Variants in TRAPPC12 observed in about 807,000 individuals in gnomAD.
TRAPPC12 encodes TPR repeat protein 15.
A neutral mutation model predicts 69.2 loss-of-function variants in TRAPPC12; 61 were observed. That is an observed-to-expected ratio of 0.88 (90% CI 0.72 to 1.09). The LOEUF is 1.09. TRAPPC12 is among the 50% of genes least tolerant of loss of function. The pLI is 0.00. For missense variants in TRAPPC12, 1,101 were observed against 1,016.4 expected (o/e 1.08, Z -1.13); for synonymous variants, 469 against 438.9 (o/e 1.07, Z -0.86).
At chr2:3,400,885 C>T (rs921337768) in intron 2 of TRAPPC12, among the ~76,000 whole-genome samples, 1 of 152,230 alleles carries the variant, frequency 6.6e-6, no homozygotes, top group African/African-American at 2.4e-5. Context: ...GCTCCCTGCT[C>T]AGGGCAGGTC....
At chr2:3,425,258 G>A (rs918935841) in intron 5 of TRAPPC12, among the ~76,000 whole-genome samples, 1 of 152,188 alleles carries the variant, frequency 6.6e-6, no homozygotes, top group Admixed American at 6.5e-5. Flanking sequence ...GGAGCCTTGT[G>A]CAGTGTGCGT....
At chr2:3,428,477 T>C (rs569754490) in intron 5 of TRAPPC12, among the ~76,000 whole-genome samples, 1 of 152,338 alleles carries the variant, frequency 6.6e-6, no homozygotes, top group Non-Finnish European at 1.5e-5. Context: ...TATAAAAACT[T>C]TTATGAATGA....
intron 9 of TRAPPC12, chr2:3,466,398 G>C (rs1470383765): frequency 4.2e-6 from 2 of 471,102 alleles, no homozygotes; most frequent in Admixed American, 4.7e-5. Flanking sequence ...CTCACGGTGA[G>C]CCAGGCCCTG....
At chr2:3,388,700 CG>C (rs1558340650) in intron 2 of TRAPPC12, 30 bp downstream of exon 2, 1 of 1,500,026 alleles carries the variant, frequency 6.7e-7, no homozygotes, top group Admixed American at 2.0e-5. Context: ...CTCCGCAGCC[CG>C]TGCCTCCTCT....
At chr2:3,461,436 G>A (rs1572196613) in intron 8 of TRAPPC12, among the ~76,000 whole-genome samples, 1 of 152,220 alleles carries the variant, frequency 6.6e-6, no homozygotes, top group Non-Finnish European at 1.5e-5. Context: ...AGGAGACTCG[G>A]CGTCCTGTTC....
intron 7 of TRAPPC12, among the ~76,000 whole-genome samples, chr2:3,459,100 C>G (rs1284599743): frequency 6.6e-6 from 1 of 152,230 alleles, no homozygotes; most frequent in Non-Finnish European, 1.5e-5. Flanking sequence ...TGTTATCTCA[C>G]AGTGGACGCT....
At chr2:3,424,960 C>T (rs149503704) in intron 5 of TRAPPC12, among the ~76,000 whole-genome samples, 499 of 152,372 alleles carry the variant, frequency 3.3e-3, no homozygotes, top group Middle Eastern at 0.01. Context: ...GTCTGAGCTG[C>T]GCTCCACAGG....
At chr2:3,441,737 C>CTAAA (rs927292036) in intron 5 of TRAPPC12, among the ~76,000 whole-genome samples, 1 of 146,208 alleles carries the variant, frequency 6.8e-6, no homozygotes, top group African/African-American at 2.5e-5. Context: ...CTACTGCTTA[C>CTAAA]TTTAGGCTTA....
chr2:3,428,451 A>G (rs1663242400), intron 5 of TRAPPC12, among the ~76,000 whole-genome samples: 2 of 152,352 alleles, frequency 1.3e-5, no homozygotes, highest in African/African-American at 2.4e-5. Context: ...AATGTGCTTT[A>G]AAAGGAGGCT....
chr2:3,446,113 T>C (rs539971853), intron 6 of TRAPPC12, among the ~76,000 whole-genome samples: 74 of 152,352 alleles, frequency 4.9e-4, no homozygotes, highest in African/African-American at 1.7e-3. Flanking sequence ...CACTCATGCT[T>C]CTCGTTCCCT....
At chr2:3,439,168 G>A (rs1465765720) in intron 5 of TRAPPC12, among the ~76,000 whole-genome samples, 2 of 152,138 alleles carry the variant, frequency 1.3e-5, no homozygotes, top group African/African-American at 4.8e-5. Context: ...TTACCTCATT[G>A]TTTTAATTTG....
At chr2:3,449,242 C>G (rs1314280167) in intron 6 of TRAPPC12, 2 of 152,210 alleles carry the variant, frequency 1.3e-5, no homozygotes, top group Non-Finnish European at 1.5e-5. Context: ...AAGAGCCAAG[C>G]AAACACACTT....
At chr2:3,425,384 C>A (rs1442241538) in intron 5 of TRAPPC12, among the ~76,000 whole-genome samples, 2 of 152,172 alleles carry the variant, frequency 1.3e-5, no homozygotes. Context: ...AAAGCCCACG[C>A]CCTGTTGTCA....
intron 1 of TRAPPC12, among the ~76,000 whole-genome samples, chr2:3,381,267 T>G (rs1050823898): frequency 3.4e-4 from 52 of 152,220 alleles, no homozygotes; most frequent in African/African-American, 1.1e-3. Flanking sequence ...CTACACACCC[T>G]CGTGCCCTTA....
In TRAPPC12 at chr2:3,401,866, A is replaced by G. The variant is rs375364620; in HGVS notation, c.1137A>G (p.Gln379=). The change falls in exon 3 of 12, where the codon CAA becomes CAG. Residue 379 remains glutamine (Q), a synonymous_variant. Coordinates refer to ENST00000324266, the MANE Select transcript of TRAPPC12 (RefSeq NM_016030.6). ...TCCTAAATGCCGACTCAGTGGAACA[A>G]TCTTTTGTTGGATTGAAACAGCTAA... ...RQVLNADSVE[Q]SFVGLKQLIS... 3.1e-6 allele frequency: 5 copies of G among 1,593,556 alleles called. No homozygotes were observed. Among genetic ancestry groups the G allele is most frequent in the East Asian group, 2.3e-5 (1 of 43,990 alleles).
chr2:3,417,211 G>C (rs1226463325), intron 3 of TRAPPC12, among the ~76,000 whole-genome samples: 1 of 152,038 alleles, frequency 6.6e-6, no homozygotes, highest in Non-Finnish European at 1.5e-5. Flanking sequence ...CTCCATGTCC[G>C]GCCTGCCCTG....
intron 5 of TRAPPC12, among the ~76,000 whole-genome samples, chr2:3,426,061 G>C (rs1199036220): frequency 6.6e-6 from 1 of 152,064 alleles, no homozygotes; most frequent in Admixed American, 6.6e-5. Context: ...AGGACGGGTG[G>C]GAATTGGTCC....
chr2:3,417,578 C>T (rs1662492212), intron 3 of TRAPPC12, among the ~76,000 whole-genome samples: 1 of 152,158 alleles, frequency 6.6e-6, no homozygotes, highest in Non-Finnish European at 1.5e-5. Context: ...TGGCCCTCTT[C>T]GTCGGCCTTG....
At chr2:3,448,706 TAGGGCGTGGAGAGCAGCCGGTTACG>T in intron 6 of TRAPPC12, among the ~76,000 whole-genome samples, 2 of 143,058 alleles carry the variant, frequency 1.4e-5, no homozygotes, top group South Asian at 2.2e-4. Context: ...TACGCGAGGG[TAGGGCGTGGAGAGCAGCCGGTTACG>T]CGAGGGTAGG....
Sources: gnomAD v4.1 joint callset for allele counts (sites outside exome capture counted in the v4.1 genomes callset) on GRCh38, gnomAD v4.1.1 for gene constraint, MANE v1.5 for transcripts, NCBI Gene and HGNC (gene_info 2026-07-23, HGNC 2026-07-21) for gene names.